The following SRGAP1 variants were observed in gnomAD, a reference collection of about 807,000 sequenced individuals.
SRGAP1 encodes the protein SLIT-ROBO Rho GTPase-activating protein 1.
A neutral mutation model predicts 121.9 loss-of-function variants in SRGAP1; 43 were observed. The ratio of observed to expected loss-of-function variants is 0.35; its 90% confidence interval spans 0.28 to 0.46. The LOEUF is 0.46. Among genes scored for constraint, SRGAP1 ranks in the 20% least tolerant of loss-of-function variants. The pLI, the probability that SRGAP1 is intolerant of heterozygous loss-of-function variation, is 1.00. For synonymous variants in SRGAP1, 447 were observed against 485.4 expected (o/e 0.92, Z 1.04); for missense variants, 1,102 against 1,350.9 (o/e 0.82, Z 2.89).
At chr12:63,928,127 A>G (rs981102295) in intron 1 of SRGAP1, among the ~76,000 whole-genome samples, 2 of 152,142 alleles carry the variant, frequency 1.3e-5, no homozygotes, top group African/African-American at 4.8e-5. Flanking sequence ...TCAGCCAAAT[A>G]GTTATCAAAT....
chr12:64,067,008 A>C (rs2035552664), intron 8 of SRGAP1, among the ~76,000 whole-genome samples: 1 of 149,050 alleles, frequency 6.7e-6, no homozygotes. Context: ...TTGGCTCCCA[A>C]AGTTTTGACC....
Position 64,058,781 on chromosome 12 carries a change from TAAC to T in SRGAP1, c.802-4134_802-4132del, listed in dbSNP as rs2035391999. ...CTTTTTAACCAAGTATCTTGAATCT[TAAC>T]AGATCCAGTGTCATTTCAGTTTCTA... is the stretch of plus-strand genomic sequence containing the variant. On this transcript the variant is annotated intron_variant, in intron 6 of 21. Coordinates refer to ENST00000355086, the MANE Select transcript of SRGAP1 (RefSeq NM_020762.4). Among the ~76,000 whole-genome samples, 7 of 149,650 alleles carry T rather than the reference TAAC, an allele frequency of 4.7e-5. No individual in the cohort carries two copies. In the South Asian group the frequency reaches 1.3e-3, roughly 28 times the overall value.
intron 21 of SRGAP1, among the ~76,000 whole-genome samples, chr12:64,136,799 C>A (rs1368354917): frequency 6.6e-6 from 1 of 152,138 alleles, no homozygotes; most frequent in African/African-American, 2.4e-5. Flanking sequence ...CAATATTTTA[C>A]TATAGCTGAA....
At chr12:64,111,130 C>T (rs1456303414) in intron 16 of SRGAP1, among the ~76,000 whole-genome samples, 1 of 152,082 alleles carries the variant, frequency 6.6e-6, no homozygotes, top group Non-Finnish European at 1.5e-5. Flanking sequence ...GGAAATCTCC[C>T]CCACAGTTTG....
chr12:64,109,183 A>T (rs2036392715), intron 16 of SRGAP1, 146 bp downstream of exon 16: 1 of 453,428 alleles, frequency 2.2e-6, no homozygotes, highest in South Asian at 9.2e-5. Context: ...CTGAAGGTAC[A>T]TTTTTCCTCA....
intron 1 of SRGAP1, among the ~76,000 whole-genome samples, chr12:63,859,532 A>G (rs118142753): frequency 0.013 from 1,944 of 152,116 alleles, 24 homozygotes; most frequent in Non-Finnish European, 0.018. Flanking sequence ...CTTTACTATC[A>G]TCGTTTTCAT....
intron 1 of SRGAP1, among the ~76,000 whole-genome samples, chr12:63,935,495 AT>A (rs2031635097): frequency 6.6e-6 from 1 of 152,188 alleles, no homozygotes; most frequent in Non-Finnish European, 1.5e-5. Flanking sequence ...TTCTAAAATT[AT>A]ATTTAATCTA....
intron 1 of SRGAP1, among the ~76,000 whole-genome samples, chr12:63,927,594 C>T (rs556192308): frequency 5.3e-4 from 80 of 152,262 alleles, no homozygotes; most frequent in Non-Finnish European, 9.4e-4. Context: ...CATACTGTAA[C>T]CTAAGCCTAG....
intron 2 of SRGAP1, 136 bp from the exon 3 acceptor site, chr12:63,989,774 T>A: frequency 1.6e-6 from 1 of 619,728 alleles, no homozygotes. Context: ...AGTGTCCTGG[T>A]CTGAGAAATG....
chr12:64,019,024 C>G (rs140710098), intron 4 of SRGAP1, among the ~76,000 whole-genome samples: 2 of 152,252 alleles, frequency 1.3e-5, no homozygotes, highest in African/African-American at 4.8e-5. Flanking sequence ...AAATAGAAAT[C>G]AGTCCCTAAT....
intron 12 of SRGAP1, among the ~76,000 whole-genome samples, chr12:64,093,823 A>C (rs932981135): frequency 6.6e-6 from 1 of 152,160 alleles, no homozygotes; most frequent in Non-Finnish European, 1.5e-5. Context: ...TTGTGTTAAA[A>C]CCTAAAATAA....
intron 1 of SRGAP1, among the ~76,000 whole-genome samples, chr12:63,898,669 T>C (rs573898257): frequency 6.6e-5 from 10 of 152,346 alleles, no homozygotes; most frequent in Admixed American, 2.0e-4. Context: ...GAAATGATAG[T>C]ATTAATCAAG....
intron 12 of SRGAP1, among the ~76,000 whole-genome samples, chr12:64,093,471 A>G (rs1430826140): frequency 1.3e-5 from 2 of 152,148 alleles, no homozygotes; most frequent in African/African-American, 4.8e-5. Flanking sequence ...TCTTTTTAAT[A>G]CTAAATTCAG....
chr12:63,911,081 C>T (rs1010845284), intron 1 of SRGAP1, among the ~76,000 whole-genome samples: 2 of 152,086 alleles, frequency 1.3e-5, no homozygotes, highest in Admixed American at 1.3e-4. Flanking sequence ...TGGTGGATCA[C>T]GAGGTCAGGA....
chr12:64,080,520 T>G (rs983862269), intron 10 of SRGAP1, 150 bp downstream of exon 10: 9 of 746,240 alleles, frequency 1.2e-5, no homozygotes, highest in Admixed American at 2.0e-5. Flanking sequence ...ATGTCATGAT[T>G]AAGTTCTCCT....
At chr12:63,964,898 G>T (rs1708174615) in intron 1 of SRGAP1, among the ~76,000 whole-genome samples, 1 of 152,108 alleles carries the variant, frequency 6.6e-6, no homozygotes, top group Admixed American at 6.5e-5. Context: ...TAAGGATCTG[G>T]ATCCATTGAT....
intron 1 of SRGAP1, among the ~76,000 whole-genome samples, chr12:63,880,091 AG>A (rs1900144631): frequency 6.6e-6 from 1 of 152,240 alleles, no homozygotes; most frequent in East Asian, 1.9e-4. Flanking sequence ...AAGTCTCATG[AG>A]ATCTGATGAT....
intron 1 of SRGAP1, among the ~76,000 whole-genome samples, chr12:63,930,129 T>A (rs921873209): frequency 6.6e-6 from 1 of 152,170 alleles, no homozygotes; most frequent in Non-Finnish European, 1.5e-5. Context: ...TCCATTTTCC[T>A]AAGAATTACT....
intron 1 of SRGAP1, among the ~76,000 whole-genome samples, chr12:63,948,909 TTTCCATATATATATA>T (rs1565964026): frequency 1.6e-5 from 1 of 60,880 alleles, no homozygotes; most frequent in Non-Finnish European, 3.3e-5. Context: ...ATATATATAT[TTTCCATATATATATA>T]TTCCATATAT....
Sources: allele counts gnomAD v4.1 joint callset (sites outside exome capture counted in the v4.1 genomes callset), GRCh38; gene constraint gnomAD v4.1.1; transcripts MANE v1.5; gene names NCBI Gene and HGNC (gene_info 2026-07-23, HGNC 2026-07-21).